Variants in ABCB4 observed in about 807,000 individuals in gnomAD.
ABCB4 encodes the protein ATP binding cassette subfamily B member 4.
ABCB4 carries 76 observed loss-of-function variants against 145.7 expected under a neutral mutation model. That is an observed-to-expected ratio of 0.52 (90% CI 0.43 to 0.63). The LOEUF is 0.63. Ranked by LOEUF, ABCB4 falls within the 30% of genes least tolerant of loss-of-function variation. The probability of loss-of-function intolerance (pLI) is 0.00; values close to 1 mark genes in which losing one functional copy is unlikely to be tolerated. For synonymous variants in ABCB4, 517 were observed against 566.8 expected (o/e 0.91, Z 1.25); for missense variants, 1,234 against 1,553.1 (o/e 0.79, Z 3.45).
chr7:87,398,658 A>G (rs768785731), downstream of ABCB4: 10 of 1,611,026 alleles, frequency 6.2e-6, no homozygotes, highest in Non-Finnish European at 8.5e-6. Flanking sequence ...TGAATCATCT[A>G]TTAAGCACTT....
chr7:87,375,618 T>C, the ABCB4 span: 4 of 1,596,632 alleles, frequency 2.5e-6, no homozygotes, highest in Non-Finnish European at 3.4e-6. Flanking sequence ...AATCTTCTTT[T>C]CATCTTCCAT....
chr7:87,417,507 T>A lies in ABCB4; in HGVS notation c.2487A>T (p.Gly829=). 6.2e-7 allele frequency: 1 copy of A among 1,614,060 alleles called. No homozygotes were observed. Among genetic ancestry groups the A allele is most frequent in the South Asian group, 1.1e-5 (1 of 91,074 alleles). ...TCTGTGCAATTAAAGCCAACCTGGTTCCTGTGGCCTGGGAGAGAAAAAGCA... is the reference window on the plus strand; with the variant it reads ...TCTGTGCAATTAAAGCCAACCTGGTACCTGTGGCCTGGGAGAGAAAAAGCA... The part of the protein sequence containing the change: ...TDAAQVQGAT[G]TRLALIAQNI... The change falls in exon 21 of 28, where the codon GGA becomes GGT. Residue 829 remains glycine (G), a synonymous_variant. Transcript: ENST00000649586.
chr7:87,382,441 CCTTT>C, the ABCB4 span: 20 of 1,613,596 alleles, frequency 1.2e-5, no homozygotes, highest in Non-Finnish European at 1.6e-5. Flanking sequence ...GCGGCTTATG[CCTTT>C]ACATCTTTTG....
intron 14 of ABCB4, among the ~76,000 whole-genome samples, chr7:87,434,010 C>A (rs1270074568): frequency 1.3e-5 from 2 of 151,478 alleles, no homozygotes; most frequent in Non-Finnish European, 2.9e-5. Context: ...GCTTATGCAA[C>A]CTCCACCTCC....
chr7:87,437,474 G>A (rs1810685263), intron 14 of ABCB4, among the ~76,000 whole-genome samples: 1 of 152,140 alleles, frequency 6.6e-6, no homozygotes, highest in Non-Finnish European at 1.5e-5. Flanking sequence ...GTGGACTCAA[G>A]ATAGTTTCTT....
chr7:87,405,820 G>A (rs1808146533), intron 26 of ABCB4: 1 of 205,288 alleles, frequency 4.9e-6, no homozygotes, highest in South Asian at 8.5e-5. Flanking sequence ...AACAAGGGAA[G>A]TCTGAATAAG....
chr7:87,411,867 A>G (rs1562953596), intron 23 of ABCB4, 26 bp downstream of exon 23: 1 of 1,606,874 alleles, frequency 6.2e-7, no homozygotes, highest in Non-Finnish European at 8.5e-7. Flanking sequence ...TTATAGAATA[A>G]TCTTAATATT....
chr7:87,401,683 T>G, downstream of ABCB4: 1 of 263,970 alleles, frequency 3.8e-6, no homozygotes, highest in South Asian at 4.0e-5. Context: ...ATTTAGAAAA[T>G]TACCAAGAGA....
intron 4 of ABCB4, among the ~76,000 whole-genome samples, chr7:87,455,628 A>T (rs903056676): frequency 6.6e-6 from 1 of 152,234 alleles, no homozygotes; most frequent in Non-Finnish European, 1.5e-5. Context: ...TTTAGAAAAG[A>T]CAAATGAAAA....
chr7:87,387,167 G>A, the ABCB4 span, among the ~76,000 whole-genome samples: 1 of 151,754 alleles, frequency 6.6e-6, no homozygotes, highest in African/African-American at 2.4e-5. Flanking sequence ...AGGATAATTG[G>A]TACTAGATAG....
At chr7:87,433,670 TTG>T (rs1489006537) in intron 14 of ABCB4, among the ~76,000 whole-genome samples, 1 of 128,822 alleles carries the variant, frequency 7.8e-6, no homozygotes, top group African/African-American at 3.8e-5. Flanking sequence ...CAAAAAATTG[TTG>T]TTGTTTTTTT....
At chr7:87,392,592 A>G in the ABCB4 span, 5 of 1,613,578 alleles carry the variant, frequency 3.1e-6, no homozygotes, top group Non-Finnish European at 8.5e-7. Flanking sequence ...AAAAGATGTT[A>G]CAAGCTTTTG....
the ABCB4 span, among the ~76,000 whole-genome samples, chr7:87,383,194 G>A: frequency 2.0e-5 from 3 of 151,836 alleles, no homozygotes; most frequent in African/African-American, 7.3e-5. Context: ...CTGTGCTATC[G>A]AACACTAGAA....
intron 3 of ABCB4, 119 bp from the exon 4 acceptor site, chr7:87,463,027 G>A: frequency 7.8e-6 from 7 of 892,448 alleles, no homozygotes; most frequent in South Asian, 3.4e-5. Flanking sequence ...GTAAATGAAT[G>A]TCTTAGAAAA....
In ABCB4 at chr7:87,470,498, CT is replaced by C. The variant is rs200394856; in HGVS notation, c.135+2122del. Among the ~76,000 whole-genome samples the C allele has an allele frequency of 3.3e-3, 507 of 152,226 alleles. 11 individuals are homozygous for C. In the East Asian group the frequency reaches 0.063, roughly 19 times the overall value. ...CTGACAAAGGGCTAGTATCCAGAAT[CT>C]ACAAAGAACTCAAACAAATTTACAA... is the stretch of plus-strand genomic sequence containing the variant. On this transcript the variant is annotated intron_variant, in intron 3 of 27. Coordinates refer to ENST00000649586, the MANE Select transcript of ABCB4 (RefSeq NM_000443.4).
intron 4 of ABCB4, among the ~76,000 whole-genome samples, chr7:87,458,154 G>A (rs1812220431): frequency 6.6e-6 from 1 of 152,136 alleles, no homozygotes; most frequent in Non-Finnish European, 1.5e-5. Flanking sequence ...AGGACAATCA[G>A]GGTGCAGCTA....
intron 3 of ABCB4, among the ~76,000 whole-genome samples, chr7:87,468,131 A>G (rs1354446176): frequency 6.6e-6 from 1 of 152,222 alleles, no homozygotes; most frequent in African/African-American, 2.4e-5. Context: ...AAGATCAACA[A>G]AATTGATTGA....
chr7:87,423,464 G>A (rs955681210), intron 17 of ABCB4: 34 of 220,464 alleles, frequency 1.5e-4, no homozygotes, highest in Non-Finnish European at 2.5e-4. Context: ...TTATTGTATA[G>A]ATGAAGAAAC....
At position 87,472,921 on chromosome 7, in the gene ABCB4, GAAAGATAAGTATGCT is replaced by G. The variant is rs570127185; in HGVS notation, c.81-261_81-247del. Among the ~76,000 whole-genome samples the G allele has an allele frequency of 2.0e-4, 30 of 152,234 alleles. No individual in the cohort carries two copies. The East Asian group carries it at 5.6e-3, about 28-fold the overall frequency. ...TGCCTTACAGAGCTCACATACACAG[GAAAGATAAGTATGCT>G]AACAGTGTCGCTAAGTCAATTAAGT... On this transcript the variant is annotated intron_variant, in intron 2 of 27. Coordinates refer to ENST00000649586, the MANE Select transcript of ABCB4 (RefSeq NM_000443.4).
Sources: gnomAD v4.1 joint callset for allele counts (sites outside exome capture counted in the v4.1 genomes callset) on GRCh38, gnomAD v4.1.1 for gene constraint, MANE v1.5 for transcripts, NCBI Gene and HGNC (gene_info 2026-07-23, HGNC 2026-07-21) for gene names.